Variants in MYO9A observed in about 807,000 individuals in gnomAD.
MYO9A encodes myosin IXA, also known as unconventional myosin-IXa.
A neutral mutation model predicts 293.3 loss-of-function variants in MYO9A; 103 were observed. That is an observed-to-expected ratio of 0.35 (90% confidence interval 0.30 to 0.41). The LOEUF is 0.41. Ranked by LOEUF, MYO9A falls within the 10% of genes least tolerant of loss-of-function variation. MYO9A has a pLI of 1.00. For missense variants in MYO9A, 2,685 were observed against 3,033.0 expected, an observed-to-expected ratio of 0.89 and a Z score of 2.69; for synonymous variants, 1,001 against 1,035.7, an observed-to-expected ratio of 0.97 and a Z score of 0.64.
chr15:71,903,037 A>G lies in MYO9A; in HGVS notation c.2904T>C (p.Leu968=), dbSNP rs7168999. 1 of 1,589,694 alleles carries G rather than the reference A, an allele frequency of 6.3e-7. No homozygotes were observed. The highest frequency in any genetic ancestry group is 1.4e-5 in the African/African-American group (1 of 73,950). The part of the protein sequence containing the change: ...FQDFVSHFHV[L]LPRNIIPSKF... ...TGGATGGAATAATATTTCGGGGAAG[A>G]AGTACATGGAAGTGGCTCACAAAAT... is the stretch of plus-strand genomic sequence containing the variant. The change falls in exon 22 of 42, where the codon CTT becomes CTC. Residue 968 remains leucine (L), a synonymous_variant. Coordinates refer to ENST00000356056, the MANE Select transcript of MYO9A (RefSeq NM_006901.4).
At chr15:71,902,062 C>T (rs2057501424) in intron 22 of MYO9A, among the ~76,000 whole-genome samples, 3 of 151,978 alleles carry the variant, frequency 2.0e-5, no homozygotes, top group Admixed American at 2.0e-4. Flanking sequence ...AATTATACCT[C>T]TCATTTGAGA....
rs1436277535 is a variant in MYO9A, at chr15:71,878,034, A to T, written c.5931+6T>A. The T allele has an allele frequency of 1.9e-6, 3 of 1,579,572 alleles. No homozygotes were observed. The highest frequency in any genetic ancestry group is 2.3e-5 in the East Asian group (1 of 43,894). On this transcript the variant is annotated splice_donor_region_variant and intron_variant, in intron 31 of 41. Transcript: ENST00000356056. Reference sequence around the variant, plus strand: ...CCTTTAAGTAATCAAAATATATCACATTTACCTTTGTGGCTGTGCAATCTG... The same window carrying T: ...CCTTTAAGTAATCAAAATATATCACTTTTACCTTTGTGGCTGTGCAATCTG...
At chr15:72,050,795 C>T (rs899124774) in intron 1 of MYO9A, among the ~76,000 whole-genome samples, 5 of 152,208 alleles carry the variant, frequency 3.3e-5, no homozygotes, top group Non-Finnish European at 7.3e-5. Flanking sequence ...TCCCTTACCA[C>T]TCTTCCCACA....
At chr15:72,048,251 T>C (rs909586274) in intron 1 of MYO9A, among the ~76,000 whole-genome samples, 14 of 151,452 alleles carry the variant, frequency 9.2e-5, no homozygotes, top group African/African-American at 3.4e-4. Flanking sequence ...AATACAAAAT[T>C]AGCCAGGCAT....
intron 6 of MYO9A, among the ~76,000 whole-genome samples, chr15:72,011,154 G>C (rs941237239): frequency 3.3e-5 from 5 of 151,654 alleles, no homozygotes; most frequent in African/African-American, 1.2e-4. Context: ...GAACTACCCA[G>C]CTAGTCCTAC....
At chr15:72,085,766 A>G (rs1232842025) in intron 1 of MYO9A, among the ~76,000 whole-genome samples, 1 of 152,066 alleles carries the variant, frequency 6.6e-6, no homozygotes, top group Non-Finnish European at 1.5e-5. Context: ...TGTTCCTTCA[A>G]TCTTTGAAGA....
intron 1 of MYO9A, among the ~76,000 whole-genome samples, chr15:72,102,383 G>A (rs1016740514): frequency 6.7e-6 from 1 of 149,368 alleles, no homozygotes; most frequent in Non-Finnish European, 1.5e-5. Context: ...AGGAAAACCA[G>A]AGACCTTTGT....
rs538069982 is a variant in MYO9A at position 71,979,072 on chromosome 15, T to A, written c.1723-780A>T. On this transcript the variant is annotated intron_variant, in intron 11 of 41. Coordinates refer to ENST00000356056, the MANE Select transcript of MYO9A (RefSeq NM_006901.4). ...TTGTTTTAGCATTCACTTACAGTAC[T>A]TGCAGCACAAGTCAACTGCCAATCT... Among the ~76,000 whole-genome samples the A allele has an allele frequency of 4.6e-5, 7 of 152,304 alleles. No homozygotes were observed. In the South Asian group the frequency reaches 1.2e-3, roughly 27 times the overall value.
At chr15:71,954,641 G>T (rs1403426518) in intron 14 of MYO9A, among the ~76,000 whole-genome samples, 1 of 152,198 alleles carries the variant, frequency 6.6e-6, no homozygotes, top group Non-Finnish European at 1.5e-5. Context: ...CTCATATATG[G>T]TGCAGATGTG....
At chr15:72,013,952 TAC>T (rs2077248536) in intron 6 of MYO9A, among the ~76,000 whole-genome samples, 1 of 152,156 alleles carries the variant, frequency 6.6e-6, no homozygotes, top group Admixed American at 6.5e-5. Flanking sequence ...ACTACAGGCC[TAC>T]ACCACAGCAT....
chr15:71,956,320 A>ATATATATATATATAT (rs1567314762), intron 14 of MYO9A, among the ~76,000 whole-genome samples: 10 of 17,486 alleles, frequency 5.7e-4, no homozygotes, highest in Admixed American at 4.2e-3. Flanking sequence ...TAAAAAAAAA[A>ATATATATATATATAT]AAAAAAAAAA....
At chr15:71,864,318 A>G (rs936615128) in intron 32 of MYO9A, among the ~76,000 whole-genome samples, 1 of 152,214 alleles carries the variant, frequency 6.6e-6, no homozygotes, top group Non-Finnish European at 1.5e-5. Context: ...ATAACAAAAA[A>G]GGTAAACAAT....
chr15:72,007,001 C>T (rs983210722), intron 8 of MYO9A, among the ~76,000 whole-genome samples: 5 of 152,046 alleles, frequency 3.3e-5, no homozygotes, highest in African/African-American at 1.2e-4. Flanking sequence ...ACTGTTGAAG[C>T]GGGAGTTCAC....
chr15:71,959,613 T>C (rs2059279748), intron 14 of MYO9A: 3 of 240,076 alleles, frequency 1.2e-5, no homozygotes, highest in African/African-American at 6.7e-5. Flanking sequence ...TTTCAAAGTT[T>C]TTAAAAATCC....
At chr15:71,986,229 G>A (rs568375487) in intron 11 of MYO9A, among the ~76,000 whole-genome samples, 2 of 152,290 alleles carry the variant, frequency 1.3e-5, no homozygotes, top group Admixed American at 6.5e-5. Context: ...AAAGTATACT[G>A]GAGAATGTGC....
At chr15:71,830,998 T>TA (rs1254175737) in intron 39 of MYO9A, among the ~76,000 whole-genome samples, 15 of 127,898 alleles carry the variant, frequency 1.2e-4, no homozygotes, top group African/African-American at 3.5e-4. Context: ...TTTTTTTTTT[T>TA]AAACATTGGT....
rs61153023 is a variant in MYO9A, at chr15:72,017,010, CTTTTTTTTTTT to C, written c.1155+2018_1155+2028del. ...GGTCATTCTGCTTCAGAGCCCAAAT[CTTTTTTTTTTT>C]TTTTTTTTTTTTTTTTTGAAATAGA... On this transcript the variant is annotated intron_variant, in intron 6 of 41. Transcript: ENST00000356056. Among the ~76,000 whole-genome samples the C allele has an allele frequency of 3.4e-4, 20 of 58,278 alleles. No individual in the cohort carries two copies. In the South Asian group the frequency reaches 0.011, roughly 32 times the overall value. The allele number at this position is 58,278 out of a possible 152,430, so 38.2% of individuals were successfully genotyped here.
Position 71,877,259 on chromosome 15 carries a change from A to G in MYO9A, c.5931+781T>C, listed in dbSNP as rs894714755. Among the ~76,000 whole-genome samples, 3 of 152,234 alleles carry G rather than the reference A, an allele frequency of 2.0e-5. No homozygotes were observed. The East Asian group carries it at 5.8e-4, about 29-fold the overall frequency. On this transcript the variant is annotated intron_variant, in intron 31 of 41. Transcript: ENST00000356056. ...GAAGCAAGAATTAAATAAAATACAC[A>G]ACACCGAGTACGATTCTCAGGCCGT...
chr15:72,003,835 G>C (rs1314314891), intron 8 of MYO9A, among the ~76,000 whole-genome samples: 1 of 151,660 alleles, frequency 6.6e-6, no homozygotes, highest in Admixed American at 6.6e-5. Context: ...AGTTAAAAAG[G>C]AACAAATAAA....
Sources: allele counts gnomAD v4.1 joint callset (sites outside exome capture counted in the v4.1 genomes callset), GRCh38; gene constraint gnomAD v4.1.1; transcripts MANE v1.5; gene names NCBI Gene and HGNC (gene_info 2026-07-23, HGNC 2026-07-21).